The following CSF1R variants were observed in gnomAD, a reference collection of about 807,000 sequenced individuals.
The protein encoded by CSF1R is colony stimulating factor 1 receptor.
Under a neutral mutation model 110.0 loss-of-function variants are expected in CSF1R, and 40 were observed. The ratio of observed to expected loss-of-function variants is 0.36; its 90% CI spans 0.28 to 0.47. CSF1R has a LOEUF of 0.47. CSF1R is among the 20% of genes least tolerant of loss of function. The probability of loss-of-function intolerance (pLI) is 0.99; values close to 1 mark genes in which losing one functional copy is unlikely to be tolerated. For missense variants in CSF1R, 1,052 were observed against 1,253.0 expected (o/e 0.84, Z 2.42); for synonymous variants, 523 against 503.4 (o/e 1.04, Z -0.52).
intron 1 of CSF1R, among the ~76,000 whole-genome samples, chr5:150,085,212 G>GGAGAAACAC (rs1758781742): frequency 1.4e-5 from 2 of 146,730 alleles, no homozygotes; most frequent in African/African-American, 2.6e-5. Flanking sequence ...GGAGGTGGAG[G>GGAGAAACAC]TTGCAGTGAG....
chr5:150,061,769 C>T lies in CSF1R; in HGVS notation c.1707G>A (p.Leu569=), dbSNP rs1275632506. The part of the protein sequence containing the change: ...NSYTFIDPTQ[L]PYNEKWEFPR... ...GGAACTCCCACTTCTCGTTGTAAGG[C>T]AGCTGCGTGGGGTCGATGAAAGTAT... Residue 569 remains leucine (L), a synonymous_variant, in exon 11 of 21, where the codon CTG becomes CTA. Transcript: ENST00000675795. The T allele has an allele frequency of 6.2e-7, 1 of 1,614,110 alleles. No individual in the cohort carries two copies. Among genetic ancestry groups the T allele is most frequent in the African/African-American group, 1.3e-5 (1 of 74,942 alleles).
At chr5:150,058,987 T>A (rs1199651715) in intron 14 of CSF1R, among the ~76,000 whole-genome samples, 1 of 152,152 alleles carries the variant, frequency 6.6e-6, no homozygotes, top group Non-Finnish European at 1.5e-5. Flanking sequence ...TGGCTCTGTC[T>A]GTTGGATGGC....
At chr5:150,105,358 A>AT (rs1449982737) in intron 1 of CSF1R, among the ~76,000 whole-genome samples, 24 of 100,486 alleles carry the variant, frequency 2.4e-4, no homozygotes, top group East Asian at 7.7e-4. Flanking sequence ...AAAAAAAAAA[A>AT]AAAAAATATA....
chr5:150,111,699 C>T (rs1759723448), intron 1 of CSF1R, among the ~76,000 whole-genome samples: 1 of 152,176 alleles, frequency 6.6e-6, no homozygotes, highest in African/African-American at 2.4e-5. Context: ...GGCTCCTCTC[C>T]CATCCCTGCC....
chr5:150,110,513 T>C (rs895592447), intron 1 of CSF1R, among the ~76,000 whole-genome samples: 1 of 152,366 alleles, frequency 6.6e-6, no homozygotes, highest in African/African-American at 2.4e-5. Flanking sequence ...TATGTGCATC[T>C]CTCAAAATGA....
chr5:150,066,738 G>A (rs1174587830), intron 10 of CSF1R, among the ~76,000 whole-genome samples: 1 of 152,102 alleles, frequency 6.6e-6, no homozygotes, highest in Non-Finnish European at 1.5e-5. Flanking sequence ...CCAAGGGGGT[G>A]TGGGGAAGAA....
At chr5:150,063,406 T>C (rs1260427857) in intron 10 of CSF1R, among the ~76,000 whole-genome samples, 1 of 151,864 alleles carries the variant, frequency 6.6e-6, no homozygotes, top group Non-Finnish European at 1.5e-5. Context: ...CGGAGTGCAG[T>C]GGCACGATCA....
intron 1 of CSF1R, among the ~76,000 whole-genome samples, chr5:150,084,192 C>A (rs1758693825): frequency 6.6e-6 from 1 of 151,614 alleles, no homozygotes; most frequent in African/African-American, 2.4e-5. Context: ...AAAAAATTAG[C>A]TGGGTGTGGT....
Position 150,070,003 on chromosome 5 carries a change from C to G in CSF1R, c.1380G>C (p.Gln460His). Residue 460 changes from glutamine (Q) to histidine (H), a missense_variant, in exon 9 of 21, where the codon CAG (glutamine) becomes CAC (histidine). By Grantham distance (24) the Gln-to-His change is conservative (BLOSUM62 0). Transcript: ENST00000675795. ...GCACCGTCACCTTGTGGAAGGGCTC[C>G]TGGCTCAGGACCTCAGGGTATGGGT... ...WDDPYPEVLS[Q>H]EPFHKVTVQS... The G allele has an allele frequency of 6.2e-7, 1 of 1,614,168 alleles. No individual in the cohort carries two copies. Among genetic ancestry groups the G allele is most frequent in the Non-Finnish European group, 8.5e-7 (1 of 1,180,006 alleles).
At chr5:150,088,915 G>A (rs1299388298), upstream of CSF1R, among the ~76,000 whole-genome samples, 1 of 152,100 alleles carries the variant, frequency 6.6e-6, no homozygotes, top group African/African-American at 2.4e-5. Context: ...TACAACAGTG[G>A]TTTAACACAT....
intron 1 of CSF1R, among the ~76,000 whole-genome samples, chr5:150,111,872 ATCACAGGACTGC>A (rs1759729187): frequency 6.6e-6 from 1 of 152,264 alleles, no homozygotes; most frequent in South Asian, 2.1e-4. Context: ...ACTGAGTCAC[ATCACAGGACTGC>A]TCTCTGACCA....
At chr5:150,108,663 A>G (rs1358532180) in intron 1 of CSF1R, among the ~76,000 whole-genome samples, 1 of 152,216 alleles carries the variant, frequency 6.6e-6, no homozygotes, top group African/African-American at 2.4e-5. Flanking sequence ...TTTTCCAGAA[A>G]CTGTGTTACT....
chr5:150,109,647 T>C (rs1472537877), intron 1 of CSF1R, among the ~76,000 whole-genome samples: 2 of 152,152 alleles, frequency 1.3e-5, no homozygotes, highest in South Asian at 2.1e-4. Context: ...AATAACGTTG[T>C]TTCTGTTGTT....
Position 150,080,074 on chromosome 5 carries a change from G to A in CSF1R, c.570C>T (p.Ser190=). 1.2e-6 allele frequency: 2 copies of A among 1,613,940 alleles called. No individual in the cohort carries two copies. Among genetic ancestry groups the A allele is most frequent in the Non-Finnish European group, 1.7e-6 (2 of 1,179,878 alleles). ...LMGGRKVMSI[S]IRLKVQKVIP... The stretch of plus-strand genomic sequence containing the variant: ...CACCTTTCTGCACTTTCAGCCGGAT[G>A]CTGATGGACATCACCTTCCTGCCAC... The change falls in exon 3 of 21, where the codon AGC becomes AGT. Residue 190 remains serine (S), a synonymous_variant. Coordinates refer to ENST00000675795, the MANE Select transcript of CSF1R (RefSeq NM_001288705.3).
At chr5:150,109,058 G>GCCCCCC (rs60014782) in intron 1 of CSF1R, among the ~76,000 whole-genome samples, 203 of 119,330 alleles carry the variant, frequency 1.7e-3, no homozygotes, top group Middle Eastern at 4.4e-3. Flanking sequence ...GGAGAAGCCC[G>GCCCCCC]CCCCCCCCCC....
intron 1 of CSF1R, among the ~76,000 whole-genome samples, chr5:150,082,800 GA>G (rs1758608700): frequency 6.6e-6 from 1 of 152,230 alleles, no homozygotes; most frequent in South Asian, 2.1e-4. Flanking sequence ...TGAGTGAGAT[GA>G]TGTATAGAAC....
intron 16 of CSF1R, 48 bp from the exon 17 acceptor site, chr5:150,056,389 G>A (rs1757220921): frequency 6.2e-7 from 1 of 1,608,642 alleles, no homozygotes; most frequent in Non-Finnish European, 8.5e-7. Context: ...TCCTACCTGA[G>A]CCTGAGGTGA....
At position 150,068,195 on chromosome 5, in the gene CSF1R, C is replaced by T. The variant is rs1427309145; in HGVS notation, c.1626+20G>A. 6.3e-7 allele frequency: 1 copy of T among 1,596,778 alleles called. No homozygotes were observed. On this transcript the variant is annotated intron_variant, in intron 10 of 20. Transcript: ENST00000675795. ...CTGGCTCACTCAGGCACCTGGCAGC[C>T]CCACTCCGCTCCGGCTCACCTGCTT... is the stretch of plus-strand genomic sequence containing the variant.
chr5:150,068,266 G>A lies in CSF1R; in HGVS notation c.1575C>T (p.Ile525=). ...FTPVVVACMS[I]MALLLLLLLL... is the part of the protein sequence containing the mutation. ...GGAGCAGCAGCAGCAGCAAGGCCAT[G>A]ATGGACATGCAGGCGACCACCACTG... is the stretch of plus-strand genomic sequence containing the variant. Residue 525 remains isoleucine, a synonymous_variant, in exon 10 of 21, where the codon ATC becomes ATT. Coordinates refer to ENST00000675795, the MANE Select transcript of CSF1R (RefSeq NM_001288705.3). The A allele has an allele frequency of 1.2e-6, 2 of 1,612,882 alleles. 1 individual carries two copies. Among genetic ancestry groups the A allele is most frequent in the Middle Eastern group, 3.3e-4 (2 of 6,060 alleles).
Sources: gnomAD v4.1 joint callset for allele counts (sites outside exome capture counted in the v4.1 genomes callset) on GRCh38, gnomAD v4.1.1 for gene constraint, MANE v1.5 for transcripts, NCBI Gene and HGNC (gene_info 2026-07-23, HGNC 2026-07-21) for gene names.